Variants in ITGA4 observed in about 807,000 individuals in gnomAD.
ITGA4 encodes the protein integrin alpha-4.
In ITGA4, 63 loss-of-function variants were observed where a neutral mutation model predicts 133.6. The ratio of observed to expected loss-of-function variants is 0.47; its 90% confidence interval spans 0.38 to 0.58. ITGA4 has a LOEUF of 0.58. Ranked by LOEUF, ITGA4 falls within the 20% of genes least tolerant of loss-of-function variation. The pLI is 0.00. For synonymous variants in ITGA4, 483 were observed against 438.0 expected (o/e 1.10, Z -1.28); for missense variants, 1,076 against 1,252.7 (o/e 0.86, Z 2.13).
chr2:181,481,291 T>G (rs1442171651), intron 6 of ITGA4, among the ~76,000 whole-genome samples: 1 of 152,220 alleles, frequency 6.6e-6, no homozygotes. Flanking sequence ...ATTTTATATT[T>G]AATATACTCT....
chr2:181,508,937 G>A (rs1686446740), intron 15 of ITGA4, among the ~76,000 whole-genome samples: 1 of 151,548 alleles, frequency 6.6e-6, no homozygotes, highest in Non-Finnish European at 1.5e-5. Context: ...GAGCCCAGGA[G>A]TTCAAGACTA....
In ITGA4 at chr2:181,538,342, TAAC is replaced by T; in HGVS notation, c.*2818_*2820del. 2 of 705,856 alleles carry T rather than the reference TAAC, an allele frequency of 2.8e-6. No individual in the cohort carries two copies. Among genetic ancestry groups the T allele is most frequent in the South Asian group, 1.7e-5 (1 of 60,384 alleles). The allele number at this position is 705,856 out of a possible 1,614,324, so 43.7% of individuals were successfully genotyped here. A position where few individuals can be genotyped will look rare whatever the true frequency, so the allele number is the denominator to read the frequency against. ...AATGCCAATGCCAAATACAAATTGA[TAAC>T]AAACACAGCATTCCCAACAGAGCTG... On this transcript the variant is annotated 3_prime_UTR_variant, in exon 28 of 28. Coordinates refer to ENST00000397033, the MANE Select transcript of ITGA4 (RefSeq NM_000885.6).
intron 10 of ITGA4, among the ~76,000 whole-genome samples, chr2:181,488,798 T>C (rs891675266): frequency 1.3e-5 from 2 of 152,184 alleles, no homozygotes; most frequent in African/African-American, 2.4e-5. Flanking sequence ...GACCTTGTGA[T>C]CTGCCCGCCT....
In ITGA4 at chr2:181,534,917, C is replaced by G; in HGVS notation, c.2985C>G (p.Ile995Met). 2 of 1,582,210 alleles carry G rather than the reference C, an allele frequency of 1.3e-6. No homozygotes were observed. Among genetic ancestry groups the G allele is most frequent in the South Asian group, 1.2e-5 (1 of 84,592 alleles). ...LLLGLIVLLL[I>M]SYVMWKAGFF... Reference sequence around the variant, plus strand: ...TTGGACTTATTGTACTTCTATTGATCTCATATGTTATGTGGAAGGTAAGCA... The same window carrying G: ...TTGGACTTATTGTACTTCTATTGATGTCATATGTTATGTGGAAGGTAAGCA... Residue 995 changes from isoleucine (I) to methionine (M), a missense_variant, in exon 27 of 28, where the codon ATC becomes ATG. This residue lies in a region of ITGA4 where 193 missense variants were observed against 172.3 expected (regional missense o/e 1.12). Coordinates refer to ENST00000397033, the MANE Select transcript of ITGA4 (RefSeq NM_000885.6).
Position 181,527,372 on chromosome 2 carries a change from G to T in ITGA4, c.2415G>T (p.Met805Ile), listed in dbSNP as rs764502797. Reference sequence around the variant, plus strand: ...CTGAAACGTGCATGGTGGAGAAAATGAACTTAACTTTCCATGTAAGAAAAG... The same window carrying T: ...CTGAAACGTGCATGGTGGAGAAAATTAACTTAACTTTCCATGTAAGAAAAG... ...NEPETCMVEK[M>I]NLTFHVINTG... Residue 805 changes from methionine (M) to isoleucine (I), a missense_variant, in exon 22 of 28, where the codon ATG (methionine) becomes ATT (isoleucine). Met to Ile is a conservative substitution (Grantham distance 10). Around this residue, in one of 4 missense-constraint regions of ITGA4, gnomAD observed 365 missense variants for 421.4 expected, o/e 0.87. Coordinates refer to ENST00000397033, the MANE Select transcript of ITGA4 (RefSeq NM_000885.6). The T allele has an allele frequency of 1.2e-6, 2 of 1,607,232 alleles. No individual in the cohort carries two copies. The highest frequency in any genetic ancestry group is 1.3e-5 in the African/African-American group (1 of 74,776).
At chr2:181,515,595 C>T (rs1288259831) in intron 17 of ITGA4, among the ~76,000 whole-genome samples, 3 of 151,916 alleles carry the variant, frequency 2.0e-5, no homozygotes, top group East Asian at 3.9e-4. Flanking sequence ...AAGTAGTAGG[C>T]GCCATATTTT....
chr2:181,470,632 G>A (rs1039859981), intron 2 of ITGA4, among the ~76,000 whole-genome samples: 9 of 152,150 alleles, frequency 5.9e-5, no homozygotes, highest in African/African-American at 1.7e-4. Flanking sequence ...CAGGTTAAGG[G>A]AGAAAAGCTT....
Position 181,495,401 on chromosome 2 carries a change from C to T in ITGA4, c.1370C>T (p.Ser457Phe). 6.2e-7 allele frequency: 1 copy of T among 1,610,446 alleles called. No homozygotes were observed. Among genetic ancestry groups the T allele is most frequent in the Non-Finnish European group, 8.5e-7 (1 of 1,176,870 alleles). Residue 457 changes from serine to phenylalanine, a missense_variant, in exon 13 of 28, where the codon TCT (serine) becomes TTT (phenylalanine). Ser to Phe is a radical substitution (Grantham distance 155, BLOSUM62 -2). Coordinates refer to ENST00000397033, the MANE Select transcript of ITGA4 (RefSeq NM_000885.6). The surrounding 1 kb of genome is among the most constrained non-coding windows in gnomAD (Gnocchi z 4.3). ...DVAVGAFRSDSAVLLRTRPVV... is the reference protein window; with the variant it reads ...DVAVGAFRSDFAVLLRTRPVV... Reference sequence around the variant, plus strand: ...GCAGTTGGTGCTTTTCGGTCTGATTCTGCTGTCTTGCTAAGGTAAGACTGA... The same window carrying T: ...GCAGTTGGTGCTTTTCGGTCTGATTTTGCTGTCTTGCTAAGGTAAGACTGA...
intron 15 of ITGA4, among the ~76,000 whole-genome samples, chr2:181,505,080 A>T (rs1686367033): frequency 6.6e-6 from 1 of 151,860 alleles, no homozygotes; most frequent in Non-Finnish European, 1.5e-5. Context: ...GAGCCTCCCC[A>T]GCCCCTTTTA....
chr2:181,499,946 G>C (rs3770115), intron 15 of ITGA4, among the ~76,000 whole-genome samples: 1 of 151,994 alleles, frequency 6.6e-6, no homozygotes. Flanking sequence ...TCTTGGCATC[G>C]TTCCTGTAAA....
In ITGA4 at chr2:181,537,035, G is replaced by A. The variant is rs1190515051; in HGVS notation, c.*1508G>A. 1 of 444,468 alleles carries A rather than the reference G, an allele frequency of 2.2e-6. No homozygotes were observed. Among genetic ancestry groups the A allele is most frequent in the Non-Finnish European group, 4.5e-6 (1 of 221,858 alleles). 27.5% of individuals were successfully genotyped at this position (444,468 alleles called of 1,614,324 possible). On this transcript the variant is annotated 3_prime_UTR_variant, in exon 28 of 28. Coordinates refer to ENST00000397033, the MANE Select transcript of ITGA4 (RefSeq NM_000885.6). ...TGAGGAATGTTCTGAGATTTGCGAA[G>A]GCATTTGAGTAGTGAAATGTAAGCA...
intron 25 of ITGA4, among the ~76,000 whole-genome samples, chr2:181,532,195 G>A (rs1686958406): frequency 6.6e-6 from 1 of 152,180 alleles, no homozygotes; most frequent in Admixed American, 6.5e-5. Flanking sequence ...GTAGCCTGAT[G>A]CCTCCAGCTT....
At chr2:181,534,425 G>C in intron 26 of ITGA4, 55 bp downstream of exon 26, 1 of 1,066,072 alleles carries the variant, frequency 9.4e-7, no homozygotes, top group Non-Finnish European at 1.4e-6. Flanking sequence ...ACATTTCAAG[G>C]GTGTCTATAA....
intron 2 of ITGA4, among the ~76,000 whole-genome samples, chr2:181,463,843 G>A (rs1231709916): frequency 2.0e-5 from 3 of 152,126 alleles, no homozygotes; most frequent in Non-Finnish European, 2.9e-5. Context: ...TCTCTCTGGG[G>A]TAAATAGATC....
In ITGA4 at chr2:181,482,643, TCTGGCTC is replaced by T. The variant is rs1332581166; in HGVS notation, c.1034_1040del (p.Ser345TrpfsTer4). The T allele has an allele frequency of 1.2e-6, 2 of 1,613,592 alleles. No individual in the cohort carries two copies. The highest frequency in any genetic ancestry group is 1.7e-5 in the Admixed American group (1 of 59,994). On this transcript the variant is annotated frameshift_variant and splice_region_variant, in exon 9 of 28. Transcript: ENST00000397033. LOFTEE classifies it high-confidence loss of function. Reference sequence around the variant, plus strand: ...AGGAAGAGTGTTTGTGTACATCAACTCTGGCTCGGTATGTCCAAGTGCCCCAACTGGA... The same window carrying T: ...AGGAAGAGTGTTTGTGTACATCAACTGGTATGTCCAAGTGCCCCAACTGGA...
intron 15 of ITGA4, among the ~76,000 whole-genome samples, chr2:181,503,194 G>A (rs537442232): frequency 1.3e-5 from 2 of 152,198 alleles, no homozygotes; most frequent in South Asian, 4.1e-4. Context: ...ATTACCTTAT[G>A]CAAACAAAAG....
intron 25 of ITGA4, among the ~76,000 whole-genome samples, chr2:181,532,255 T>C (rs1366774523): frequency 2.6e-5 from 4 of 152,336 alleles, no homozygotes; most frequent in South Asian, 4.1e-4. Flanking sequence ...TATGGTTCCA[T>C]AGGAAATTTA....
chr2:181,502,692 G>C (rs933508108), intron 15 of ITGA4, among the ~76,000 whole-genome samples: 29 of 151,988 alleles, frequency 1.9e-4, no homozygotes, highest in Admixed American at 1.2e-3. Flanking sequence ...TGGAGTTTGG[G>C]AAGATGTGAA....
chr2:181,514,265 A>G (rs558301619), intron 17 of ITGA4, among the ~76,000 whole-genome samples: 1 of 152,204 alleles, frequency 6.6e-6, no homozygotes, highest in Admixed American at 6.5e-5. Context: ...AAAAATTCAA[A>G]ATAGATTAAG....
Sources: allele counts gnomAD v4.1 joint callset (sites outside exome capture counted in the v4.1 genomes callset), GRCh38; gene constraint gnomAD v4.1.1; regional missense constraint gnomAD v4.1.1; non-coding constraint Gnocchi (gnomAD v3.1); transcripts MANE v1.5; gene names NCBI Gene and HGNC (gene_info 2026-07-23, HGNC 2026-07-21).